NEGR1: variants seen among roughly 807,000 people sequenced by gnomAD.
NEGR1 encodes the protein IgLON family member 4.
NEGR1 carries 10 observed loss-of-function variants against 40.9 expected under a neutral mutation model. That is an observed-to-expected ratio of 0.24 (90% CI 0.15 to 0.42). The LOEUF (loss-of-function observed/expected upper bound fraction) is 0.42, where lower values mean the gene tolerates loss of function less well. Ranked by LOEUF, NEGR1 falls within the 10% of genes least tolerant of loss-of-function variation. The pLI, the probability that NEGR1 is intolerant of heterozygous loss-of-function variation, is 1.00. For synonymous variants in NEGR1, 185 were observed against 166.8 expected (o/e 1.11, Z -0.84); for missense variants, 352 against 438.9 (o/e 0.80, Z 1.77).
At chr1:71,706,560 G>C (rs1187951758) in intron 3 of NEGR1, among the ~76,000 whole-genome samples, 2 of 107,050 alleles carry the variant, frequency 1.9e-5, no homozygotes, top group Admixed American at 1.1e-4. Context: ...CACAGTTGCT[G>C]CTCCAAAAAA....
chr1:71,842,055 G>A (rs1335096393), intron 2 of NEGR1, among the ~76,000 whole-genome samples: 1 of 152,138 alleles, frequency 6.6e-6, no homozygotes, highest in Non-Finnish European at 1.5e-5. Context: ...TGCTCATTTT[G>A]CCTTGCAACT....
intron 1 of NEGR1, among the ~76,000 whole-genome samples, chr1:72,193,352 C>T (rs1444685501): frequency 6.6e-6 from 1 of 151,732 alleles, no homozygotes; most frequent in East Asian, 1.9e-4. Context: ...CATAAAGTAT[C>T]AGTAAAACAA....
chr1:71,447,763 C>T (rs150209408), intron 6 of NEGR1, among the ~76,000 whole-genome samples: 20 of 152,310 alleles, frequency 1.3e-4, no homozygotes, highest in Non-Finnish European at 2.4e-4. Context: ...TCTTCATCGT[C>T]GTGTTCACAA....
intron 2 of NEGR1, among the ~76,000 whole-genome samples, chr1:71,928,444 A>ATATATACACATGTG (rs1557439337): frequency 1.1e-5 from 1 of 87,744 alleles, no homozygotes; most frequent in African/African-American, 4.0e-5. Context: ...ATACACATAT[A>ATATATACACATGTG]TATGTATATA....
At chr1:71,882,537 A>T (rs1284958231) in intron 2 of NEGR1, among the ~76,000 whole-genome samples, 1 of 152,082 alleles carries the variant, frequency 6.6e-6, no homozygotes, top group Non-Finnish European at 1.5e-5. Context: ...AGAACACTGA[A>T]TCTTTCATGG....
At chr1:72,125,420 C>A (rs2821238) in intron 1 of NEGR1, among the ~76,000 whole-genome samples, 143,184 of 152,066 alleles carry the variant, frequency 0.94, 67,695 homozygotes, top group East Asian at 1. Context: ...GTATGCCACG[C>A]TATGTACAAA....
At chr1:72,162,715 G>T (rs181938365) in intron 1 of NEGR1, among the ~76,000 whole-genome samples, 22 of 152,220 alleles carry the variant, frequency 1.4e-4, no homozygotes, top group African/African-American at 5.1e-4. Context: ...GAAATCCCCT[G>T]CAGACAAGCT....
At chr1:71,584,675 C>T (rs1230473441) in intron 6 of NEGR1, among the ~76,000 whole-genome samples, 1 of 152,082 alleles carries the variant, frequency 6.6e-6, no homozygotes, top group East Asian at 1.9e-4. Context: ...ACAGTGCACG[C>T]TTGATAAGTA....
chr1:71,995,460 C>T (rs1217549495), intron 1 of NEGR1, among the ~76,000 whole-genome samples: 1 of 151,998 alleles, frequency 6.6e-6, no homozygotes, highest in Admixed American at 6.6e-5. Flanking sequence ...CAGATACAGG[C>T]ACATATATCA....
At chr1:71,566,308 T>G (rs762058098) in intron 6 of NEGR1, among the ~76,000 whole-genome samples, 5 of 152,188 alleles carry the variant, frequency 3.3e-5, no homozygotes, top group African/African-American at 7.2e-5. Flanking sequence ...GAGAAAAATA[T>G]ATCAACAAAC....
chr1:72,041,108 A>G (rs1412080402), intron 1 of NEGR1, among the ~76,000 whole-genome samples: 1 of 152,056 alleles, frequency 6.6e-6, no homozygotes, highest in African/African-American at 2.4e-5. Flanking sequence ...TCAATCTAAA[A>G]GTTAAATTAA....
At chr1:71,563,900 C>G (rs1256334884) in intron 6 of NEGR1, among the ~76,000 whole-genome samples, 1 of 151,730 alleles carries the variant, frequency 6.6e-6, no homozygotes, top group Non-Finnish European at 1.5e-5. Context: ...TGTTGGTGTC[C>G]TTTGCCCTGA....
intron 6 of NEGR1, among the ~76,000 whole-genome samples, chr1:71,581,080 T>C (rs1268688651): frequency 1.3e-5 from 2 of 152,204 alleles, no homozygotes; most frequent in Non-Finnish European, 2.9e-5. Flanking sequence ...TACTACAGTT[T>C]ACTATTATTT....
At chr1:71,921,703 AAT>A (rs61614174) in intron 2 of NEGR1, among the ~76,000 whole-genome samples, 35,136 of 133,608 alleles carry the variant, frequency 0.26, 4,687 homozygotes, top group Middle Eastern at 0.42. Flanking sequence ...ACAGTACAAG[AAT>A]ATATATATAT....
chr1:72,276,552 G>T (rs9425081), intron 1 of NEGR1, among the ~76,000 whole-genome samples: 72,141 of 151,946 alleles, frequency 0.47, 17,789 homozygotes, highest in African/African-American at 0.54. Context: ...AATGATATAT[G>T]AATTCAATAT....
At chr1:72,021,435 A>C (rs910570589) in intron 1 of NEGR1, among the ~76,000 whole-genome samples, 4 of 152,180 alleles carry the variant, frequency 2.6e-5, no homozygotes, top group Admixed American at 2.0e-4. Flanking sequence ...TGCATTTGAA[A>C]TTCAGGTATA....
chr1:72,125,020 A>G (rs1490582096), intron 1 of NEGR1, among the ~76,000 whole-genome samples: 1 of 152,112 alleles, frequency 6.6e-6, no homozygotes, highest in Non-Finnish European at 1.5e-5. Context: ...TAACTTACTT[A>G]GTTCTTAAGT....
At chr1:71,670,934 T>C (rs1256294713) in intron 4 of NEGR1, among the ~76,000 whole-genome samples, 1 of 152,034 alleles carries the variant, frequency 6.6e-6, no homozygotes, top group Non-Finnish European at 1.5e-5. Context: ...AGTATTTGCC[T>C]CAGTGGCTTT....
chr1:72,073,092 G>A (rs1188107128), intron 1 of NEGR1, among the ~76,000 whole-genome samples: 1 of 152,120 alleles, frequency 6.6e-6, no homozygotes, highest in African/African-American at 2.4e-5. Context: ...ATTGAGTCAA[G>A]GGAGAATGTG....
Sources: gnomAD v4.1 joint callset for allele counts (sites outside exome capture counted in the v4.1 genomes callset) on GRCh38, gnomAD v4.1.1 for gene constraint, MANE v1.5 for transcripts, NCBI Gene and HGNC (gene_info 2026-07-23, HGNC 2026-07-21) for gene names.